MRPS11: variants seen among roughly 807,000 people sequenced by gnomAD.
MRPS11 encodes the protein small ribosomal subunit protein uS11m.
MRPS11 carries 27 observed loss-of-function variants against 24.3 expected under a neutral mutation model. The observed-to-expected ratio is 1.11, with a 90% CI of 0.82 to 1.53. MRPS11 has a LOEUF of 1.53. Ranked by LOEUF, MRPS11 falls within the 40% of genes most tolerant of loss-of-function variation. MRPS11 has a pLI of 0.00. For synonymous variants in MRPS11, 104 were observed against 98.7 expected (o/e 1.05, Z -0.32); for missense variants, 277 against 256.5 (o/e 1.08, Z -0.55).
In MRPS11 at chr15:88,467,965, A is replaced by G. The variant is rs758654572; in HGVS notation, c.123A>G (p.Gln41=). 3.1e-6 allele frequency: 5 copies of G among 1,612,806 alleles called. No individual in the cohort carries two copies. The highest frequency in any genetic ancestry group is 1.1e-5 in the South Asian group (1 of 90,908). ...TCTGCACAGGCGCTCGACAGCTCCA[A>G]GACGCTGCGGCCAAGCAGAAAGTTG... ...GTICTGARQL[Q]DAAAKQKVEQ... Residue 41 remains glutamine (Q), a synonymous_variant, in exon 2 of 6, where the codon CAA becomes CAG. Coordinates refer to ENST00000325844, the MANE Select transcript of MRPS11 (RefSeq NM_022839.5).
In MRPS11 at chr15:88,477,041, GGCCAGGAC is replaced by G; in HGVS notation, c.467_474del (p.Pro156LeufsTer101). ...ATCCGAGTTGTGGTGAAAGGCCTGGGGCCAGGACGCTTGGTAAGTTACAGTGATTTCCA... is the reference window on the plus strand; with the variant it reads ...ATCCGAGTTGTGGTGAAAGGCCTGGGGCTTGGTAAGTTACAGTGATTTCCA... On this transcript the variant is annotated frameshift_variant, in exon 5 of 6. Transcript: ENST00000325844. LOFTEE classifies it high-confidence loss of function. The surrounding 1 kb of genome is among the most constrained non-coding windows in gnomAD (Gnocchi z 5.7). The G allele has an allele frequency of 1.2e-6, 2 of 1,614,034 alleles. No homozygotes were observed. Among genetic ancestry groups the G allele is most frequent in the Non-Finnish European group, 1.7e-6 (2 of 1,179,978 alleles).
rs574630531 is a variant in MRPS11 at position 88,478,919 on chromosome 15, G to A, written c.*940G>A. 1.3e-4 allele frequency: 20 copies of A among 152,214 alleles called. No individual in the cohort carries two copies. The highest frequency in any genetic ancestry group is 4.1e-4 in the African/African-American group (17 of 41,520). 9.4% of individuals were successfully genotyped at this position (152,214 alleles called of 1,614,324 possible). A position where few individuals can be genotyped will look rare whatever the true frequency, so the allele number is the denominator to read the frequency against. On this transcript the variant is annotated 3_prime_UTR_variant, in exon 6 of 6. Coordinates refer to ENST00000325844, the MANE Select transcript of MRPS11 (RefSeq NM_022839.5). The surrounding 1 kb of genome is among the most constrained non-coding windows in gnomAD (Gnocchi z 4.7). Reference sequence around the variant, plus strand: ...CATGAAAATCGCTTGAACCCAGGAGGTGGAGGCTGCAGTGAGCTGAGATCA... The same window carrying A: ...CATGAAAATCGCTTGAACCCAGGAGATGGAGGCTGCAGTGAGCTGAGATCA...
At chr15:88,470,578 G>T (rs556651541) in intron 2 of MRPS11, among the ~76,000 whole-genome samples, 1 of 152,304 alleles carries the variant, frequency 6.6e-6, no homozygotes, top group Non-Finnish European at 1.5e-5. Flanking sequence ...GAGAACATTT[G>T]TTTTTTAATT....
At chr15:88,468,569 G>A in intron 2 of MRPS11, 2 of 944,224 alleles carry the variant, frequency 2.1e-6, no homozygotes, top group South Asian at 9.7e-5. Context: ...CACCATGCTA[G>A]GTGCCGTGAA....
chr15:88,476,918 G>A (rs1464296163), intron 4 of MRPS11, 71 bp from the exon 5 acceptor site: 49 of 1,510,856 alleles, frequency 3.2e-5, no homozygotes, highest in Non-Finnish European at 4.1e-5. Flanking sequence ...CCTTGCTCTA[G>A]GAGGCAGTAG....
At chr15:88,472,531 G>A (rs931791566) in intron 2 of MRPS11, 96 bp from the exon 3 acceptor site, 2 of 987,048 alleles carry the variant, frequency 2.0e-6, no homozygotes, top group Admixed American at 2.2e-5. Context: ...GAAGCAGCAG[G>A]GGGCACAGAG....
chr15:88,471,443 A>G (rs917589644), intron 2 of MRPS11, among the ~76,000 whole-genome samples: 7 of 152,214 alleles, frequency 4.6e-5, no homozygotes, highest in Admixed American at 3.3e-4. Context: ...GGGTACAAAC[A>G]TGAATCTGAT....
intron 2 of MRPS11, among the ~76,000 whole-genome samples, chr15:88,470,965 A>T (rs2055686094): frequency 6.6e-6 from 1 of 152,200 alleles, no homozygotes; most frequent in Non-Finnish European, 1.5e-5. Context: ...GGGAAAAAAC[A>T]AGTGATACTG....
intron 4 of MRPS11, among the ~76,000 whole-genome samples, chr15:88,476,155 C>G (rs1470790855): frequency 2.6e-5 from 4 of 152,184 alleles, no homozygotes; most frequent in African/African-American, 9.7e-5. Context: ...GTGCCAGACA[C>G]TTTACATTCA....
chr15:88,475,191 G>C lies in MRPS11; in HGVS notation c.363G>C (p.Lys121Asn). The C allele has an allele frequency of 6.2e-7, 1 of 1,614,262 alleles. No individual in the cohort carries two copies. Among genetic ancestry groups the C allele is most frequent in the South Asian group, 1.1e-5 (1 of 91,090 alleles). The change falls in exon 4 of 6, where the codon AAG becomes AAC. Residue 121 changes from lysine (K) to asparagine (N), a missense_variant. By Grantham distance (94) the Lys-to-Asn change is moderately conservative (BLOSUM62 0). Coordinates refer to ENST00000325844, the MANE Select transcript of MRPS11 (RefSeq NM_022839.5). This position sits in a 1 kb window ranked among gnomAD's most constrained non-coding sequence, Gnocchi z 4.1. The part of the protein sequence containing the change: ...SCGTEGFRNA[K>N]KGTGIAAQTA... ...GCACAGAGGGATTTCGGAATGCCAA[G>C]AAGGGCACAGGCATCGCAGCACAGA...
Position 88,475,239 on chromosome 15 carries a change from G to A in MRPS11, c.411G>A (p.Ala137=), listed in dbSNP as rs779356539. 17 of 1,614,028 alleles carry A rather than the reference G, an allele frequency of 1.1e-5. No homozygotes were observed. The highest frequency in any genetic ancestry group is 6.7e-5 in the Admixed American group (4 of 60,014). ...AAQTAGIAAA[A]RAKQKGVIHI... is the part of the protein sequence containing the mutation. Reference sequence around the variant, plus strand: ...AGACAGCAGGCATAGCCGCAGCGGCGGTAAGTGTGTGTTCCTTCTGCTTCC... The same window carrying A: ...AGACAGCAGGCATAGCCGCAGCGGCAGTAAGTGTGTGTTCCTTCTGCTTCC... The change falls in exon 4 of 6, where the codon GCG becomes GCA. Residue 137 remains alanine (A), a splice_region_variant and synonymous_variant. Transcript: ENST00000325844. This position sits in a 1 kb window ranked among gnomAD's most constrained non-coding sequence, Gnocchi z 4.1.
chr15:88,476,263 A>G (rs74816140), intron 4 of MRPS11, among the ~76,000 whole-genome samples: 1,927 of 152,312 alleles, frequency 0.013, 20 homozygotes, highest in East Asian at 0.049. Context: ...GCACCGATTC[A>G]GTTCACTGAT....
rs1358528668 is a variant in MRPS11, at chr15:88,477,977, T to C, written c.583T>C (p.Ter195ArgextTer20). ...CCGCCCCAGGAAGGCTCGGAAGCTG[T>C]GATGGGAAGGAGGCCTGCACTTGGA... ...GCRPRKARKL[*>R] Residue 195 changes from the stop codon to arginine, a stop_lost, in exon 6 of 6, where the codon TGA becomes CGA. Transcript: ENST00000325844. The surrounding 1 kb of genome is among the most constrained non-coding windows in gnomAD (Gnocchi z 5.7). 6.2e-7 allele frequency: 1 copy of C among 1,613,870 alleles called. No homozygotes were observed. Among genetic ancestry groups the C allele is most frequent in the Non-Finnish European group, 8.5e-7 (1 of 1,179,814 alleles).
chr15:88,477,937 C>T lies in MRPS11; in HGVS notation c.543C>T (p.Ile181=). ...EVISITDNTP[I]PHNGCRPRKA... ...TCTCAATCACAGACAACACCCCAAT[C>T]CCACACAACGGCTGCCGCCCCAGGA... The change falls in exon 6 of 6, where the codon ATC becomes ATT. Residue 181 remains isoleucine, a synonymous_variant. Transcript: ENST00000325844. The surrounding 1 kb of genome is among the most constrained non-coding windows in gnomAD (Gnocchi z 5.7). 1.9e-6 allele frequency: 3 copies of T among 1,614,188 alleles called. No individual in the cohort carries two copies. The highest frequency in any genetic ancestry group is 1.3e-5 in the African/African-American group (1 of 75,052).
intron 2 of MRPS11, 188 bp from the exon 3 acceptor site, chr15:88,472,439 A>T (rs2055730562): frequency 3.6e-6 from 2 of 548,650 alleles, no homozygotes; most frequent in Non-Finnish European, 6.6e-6. Context: ...CAAGTCAAGA[A>T]ACAGCATCAT....
At position 88,469,403 on chromosome 15, in the gene MRPS11, A is replaced by C. The variant is rs182842803; in HGVS notation, c.182+1379A>C. On this transcript the variant is annotated intron_variant, in intron 2 of 5. Coordinates refer to ENST00000325844, the MANE Select transcript of MRPS11 (RefSeq NM_022839.5). The surrounding 1 kb of genome is among the most constrained non-coding windows in gnomAD (Gnocchi z 4.4). ...GTTGGGGATATATCCCTGACCAAAC[A>C]GACAAAAAGCCCTGCCCTCATAGAA... Among the ~76,000 whole-genome samples, 521 of 152,354 alleles carry C rather than the reference A, an allele frequency of 3.4e-3. 5 individuals carry two copies. Among genetic ancestry groups the C allele is most frequent in the African/African-American group, 0.012 (489 of 41,576 alleles).
rs551514380 is a variant in MRPS11 at position 88,479,685 on chromosome 15, T to C, written c.*1706T>C. 1.3e-5 allele frequency: 2 copies of C among 152,318 alleles called. No homozygotes were observed. Among genetic ancestry groups the C allele is most frequent in the Non-Finnish European group, 2.9e-5 (2 of 68,022 alleles). 9.4% of individuals were successfully genotyped at this position (152,318 alleles called of 1,614,324 possible). A position where few individuals can be genotyped will look rare whatever the true frequency, so the allele number is the denominator to read the frequency against. ...GAATTAGACTGTTTCACCGCAAAACTACATATAAACACAATGCATTAAAAC... is the reference window on the plus strand; with the variant it reads ...GAATTAGACTGTTTCACCGCAAAACCACATATAAACACAATGCATTAAAAC... On this transcript the variant is annotated 3_prime_UTR_variant, in exon 6 of 6. Coordinates refer to ENST00000325844, the MANE Select transcript of MRPS11 (RefSeq NM_022839.5).
At chr15:88,468,766 T>C (rs1440025315) in intron 2 of MRPS11, 2 of 156,598 alleles carry the variant, frequency 1.3e-5, no homozygotes, top group Non-Finnish European at 2.8e-5. Context: ...TCCCAGCACT[T>C]TAGGCGGCCA....
Position 88,475,181 on chromosome 15 carries a change from G to C in MRPS11, c.353G>C (p.Arg118Pro). 2 of 1,614,198 alleles carry C rather than the reference G, an allele frequency of 1.2e-6. No homozygotes were observed. Among genetic ancestry groups the C allele is most frequent in the Non-Finnish European group, 1.7e-6 (2 of 1,180,028 alleles). Reference protein sequence around the residue: ...AFASCGTEGFRNAKKGTGIAA... With the variant: ...AFASCGTEGFPNAKKGTGIAA... ...GCTTCCTGTGGCACAGAGGGATTTC[G>C]GAATGCCAAGAAGGGCACAGGCATC... Residue 118 changes from arginine (R) to proline (P), a missense_variant, in exon 4 of 6, where the codon CGG (arginine) becomes CCG (proline). Arg to Pro is a moderately radical substitution (Grantham distance 103). Coordinates refer to ENST00000325844, the MANE Select transcript of MRPS11 (RefSeq NM_022839.5). This position sits in a 1 kb window ranked among gnomAD's most constrained non-coding sequence, Gnocchi z 4.1.
Sources: allele counts gnomAD v4.1 joint callset (sites outside exome capture counted in the v4.1 genomes callset), GRCh38; gene constraint gnomAD v4.1.1; non-coding constraint Gnocchi (gnomAD v3.1); transcripts MANE v1.5; gene names NCBI Gene and HGNC (gene_info 2026-07-23, HGNC 2026-07-21).